Variants in PCDHGB5 observed in about 807,000 individuals in gnomAD.
PCDHGB5 encodes the protein protocadherin gamma subfamily B, 5, also known as protocadherin gamma-B5.
PCDHGB5 carries 48 observed loss-of-function variants against 62.9 expected under a neutral mutation model. The ratio of observed to expected loss-of-function variants is 0.76; its 90% CI spans 0.61 to 0.97. PCDHGB5 has a LOEUF of 0.97. Among genes scored for constraint, PCDHGB5 ranks in the 50% least tolerant of loss-of-function variants. PCDHGB5 has a pLI of 0.00. For missense variants in PCDHGB5, 1,118 were observed against 1,198.6 expected (o/e 0.93, Z 0.99); for synonymous variants, 474 against 511.2 (o/e 0.93, Z 0.98).
At chr5:141,469,079 C>T (rs1169035651) in intron 1 of PCDHGB5, among the ~76,000 whole-genome samples, 1 of 151,492 alleles carries the variant, frequency 6.6e-6, no homozygotes, top group Non-Finnish European at 1.5e-5. Context: ...GAGTTTGAGA[C>T]CATTCTAGGC....
intron 1 of PCDHGB5, among the ~76,000 whole-genome samples, chr5:141,492,782 C>T (rs2099743868): frequency 6.6e-6 from 1 of 152,258 alleles, no homozygotes; most frequent in Non-Finnish European, 1.5e-5. Context: ...GAGTGAGCCT[C>T]TATAGGACAG....
intron 1 of PCDHGB5, chr5:141,420,003 T>C: frequency 6.2e-7 from 1 of 1,614,100 alleles, no homozygotes; most frequent in Non-Finnish European, 8.5e-7. Flanking sequence ...GCTCTACGCC[T>C]GCGACAGTCT....
chr5:141,408,533 G>A, intron 1 of PCDHGB5: 1 of 1,614,056 alleles, frequency 6.2e-7, no homozygotes, highest in Non-Finnish European at 8.5e-7. Flanking sequence ...AGCTGTGGTG[G>A]AAAATCCTTT....
At position 141,485,541 on chromosome 5, in the gene PCDHGB5, T is replaced by A; in HGVS notation, c.2398-9266T>A. 2 of 1,613,902 alleles carry A rather than the reference T, an allele frequency of 1.2e-6. No homozygotes were observed. Among genetic ancestry groups the A allele is most frequent in the Non-Finnish European group, 1.7e-6 (2 of 1,179,958 alleles). ...GAAATGTACCGAGCAGAGGTAGAGATCGTAGATGTGAATGATCACGCCCCC... is the reference window on the plus strand; with the variant it reads ...GAAATGTACCGAGCAGAGGTAGAGAACGTAGATGTGAATGATCACGCCCCC... On this transcript the variant is annotated intron_variant, in intron 1 of 3. Coordinates refer to ENST00000617380, the MANE Select transcript of PCDHGB5 (RefSeq NM_018925.3). The surrounding 1 kb of genome is among the most constrained non-coding windows in gnomAD (Gnocchi z 5.7).
intron 1 of PCDHGB5, chr5:141,422,905 G>A: frequency 6.2e-7 from 1 of 1,614,260 alleles, no homozygotes; most frequent in South Asian, 1.1e-5. Flanking sequence ...GAACGACAAT[G>A]CGCCCGAGAT....
At position 141,477,744 on chromosome 5, in the gene PCDHGB5, G is replaced by A; in HGVS notation, c.2398-17063G>A. On this transcript the variant is annotated intron_variant, in intron 1 of 3. Coordinates refer to ENST00000617380, the MANE Select transcript of PCDHGB5 (RefSeq NM_018925.3). The surrounding 1 kb of genome is among the most constrained non-coding windows in gnomAD (Gnocchi z 4.9). Reference sequence around the variant, plus strand: ...TTAACAGCTCATATCAGCGATGGGGGCACCCCGGTCCTAGCCACCAACATC... The same window carrying A: ...TTAACAGCTCATATCAGCGATGGGGACACCCCGGTCCTAGCCACCAACATC... 6.2e-7 allele frequency: 1 copy of A among 1,613,778 alleles called. No homozygotes were observed. The highest frequency in any genetic ancestry group is 8.5e-7 in the Non-Finnish European group (1 of 1,180,028).
chr5:141,458,168 A>G (rs1287422935), intron 1 of PCDHGB5, among the ~76,000 whole-genome samples: 1 of 152,254 alleles, frequency 6.6e-6, no homozygotes. Context: ...TGTTCACAGT[A>G]GTATACCTTA....
Position 141,399,149 on chromosome 5 carries a change from C to A in PCDHGB5, c.1022C>A (p.Pro341Gln). Residue 341 changes from proline to glutamine, a missense_variant, in exon 1 of 4, where the codon CCA becomes CAA. Physicochemically the swap from Pro to Gln is moderately conservative, Grantham distance 76 (BLOSUM62 -1). This residue lies in a region of PCDHGB5 where 1,034 missense variants were observed against 1,029.1 expected (regional missense o/e 1.00). Transcript: ENST00000617380. ...ATTCAAGATGAAAATGACAATAGCCCAGAAGTTACATTCCATTCTCTACTT... is the reference window on the plus strand; with the variant it reads ...ATTCAAGATGAAAATGACAATAGCCAAGAAGTTACATTCCATTCTCTACTT... ...INIQDENDNS[P>Q]EVTFHSLLEM... 1 of 1,613,772 alleles carries A rather than the reference C, an allele frequency of 6.2e-7. No homozygotes were observed. Among genetic ancestry groups the A allele is most frequent in the Non-Finnish European group, 8.5e-7 (1 of 1,179,794 alleles).
At chr5:141,407,243 C>G (rs1191688729) in intron 1 of PCDHGB5, among the ~76,000 whole-genome samples, 1 of 152,168 alleles carries the variant, frequency 6.6e-6, no homozygotes, top group African/African-American at 2.4e-5. Context: ...AAGCATACTT[C>G]AGGCTCATAT....
At chr5:141,479,048 C>A (rs1253895615) in intron 1 of PCDHGB5, among the ~76,000 whole-genome samples, 1 of 152,150 alleles carries the variant, frequency 6.6e-6, no homozygotes, top group Admixed American at 6.5e-5. Flanking sequence ...GTACCTCATT[C>A]TCAGATAATT....
At position 141,432,252 on chromosome 5, in the gene PCDHGB5, G is replaced by A. The variant is rs749107567; in HGVS notation, c.2397+31728G>A. 3.7e-6 allele frequency: 6 copies of A among 1,614,220 alleles called. No homozygotes were observed. The highest frequency in any genetic ancestry group is 5.1e-6 in the Non-Finnish European group (6 of 1,180,042). ...TCCCTGGCTGAGAACACCATCCAAG[G>A]GGCAAGCCTATCGTCCTACGTGTCC... On this transcript the variant is annotated intron_variant, in intron 1 of 3. Coordinates refer to ENST00000617380, the MANE Select transcript of PCDHGB5 (RefSeq NM_018925.3). The surrounding 1 kb of genome is among the most constrained non-coding windows in gnomAD (Gnocchi z 6.0).
At chr5:141,466,993 T>G (rs2099133598) in intron 1 of PCDHGB5, among the ~76,000 whole-genome samples, 1 of 152,148 alleles carries the variant, frequency 6.6e-6, no homozygotes, top group African/African-American at 2.4e-5. Context: ...CCTTTTGGCA[T>G]TTTTTTGCAA....
chr5:141,418,504 A>T (rs761133198), intron 1 of PCDHGB5: 32 of 1,613,904 alleles, frequency 2.0e-5, no homozygotes, highest in Non-Finnish European at 2.7e-5. Context: ...TGACCGCCTT[A>T]GATGGTGGGG....
At chr5:141,414,085 G>C (rs1459185694) in intron 1 of PCDHGB5, 1 of 1,600,126 alleles carries the variant, frequency 6.2e-7, no homozygotes, top group Non-Finnish European at 8.5e-7. Context: ...ATATACTGGA[G>C]AAATAAAAAT....
At chr5:141,502,768 T>C (rs1389860952) in intron 2 of PCDHGB5, among the ~76,000 whole-genome samples, 1 of 152,154 alleles carries the variant, frequency 6.6e-6, no homozygotes, top group East Asian at 1.9e-4. Context: ...GCTGGTATTC[T>C]TCTGAAAATT....
intron 1 of PCDHGB5, chr5:141,415,455 G>T: frequency 6.2e-7 from 1 of 1,614,186 alleles, no homozygotes; most frequent in Non-Finnish European, 8.5e-7. Context: ...ATTCCCACGA[G>T]GTCTCTCTCA....
rs1167791830 is a variant in PCDHGB5 at position 141,420,032 on chromosome 5, G to A, written c.2397+19508G>A. 6.2e-7 allele frequency: 1 copy of A among 1,613,956 alleles called. No individual in the cohort carries two copies. Among genetic ancestry groups the A allele is most frequent in the Non-Finnish European group, 8.5e-7 (1 of 1,179,920 alleles). ...ACAGTCTTTCAGCCCTACTGCAGGA[G>A]ACTGCTTTGAGTCAGTTCTCTGCTC... On this transcript the variant is annotated intron_variant, in intron 1 of 3. Coordinates refer to ENST00000617380, the MANE Select transcript of PCDHGB5 (RefSeq NM_018925.3).
At chr5:141,417,345 A>G (rs937116752) in intron 1 of PCDHGB5, 3 of 153,022 alleles carry the variant, frequency 2.0e-5, no homozygotes, top group African/African-American at 7.2e-5. Flanking sequence ...GAGACCTATA[A>G]ACCTTCATGC....
At chr5:141,459,237 C>T (rs1004453705) in intron 1 of PCDHGB5, among the ~76,000 whole-genome samples, 1 of 152,214 alleles carries the variant, frequency 6.6e-6, no homozygotes, top group Admixed American at 6.5e-5. Flanking sequence ...AACTGGTCTG[C>T]TTCCTGTCAC....
Sources: allele counts gnomAD v4.1 joint callset (sites outside exome capture counted in the v4.1 genomes callset), GRCh38; gene constraint gnomAD v4.1.1; regional missense constraint gnomAD v4.1.1; non-coding constraint Gnocchi (gnomAD v3.1); transcripts MANE v1.5; gene names NCBI Gene and HGNC (gene_info 2026-07-23, HGNC 2026-07-21).